Variants in TACR3 observed in about 807,000 individuals in gnomAD.
TACR3 encodes tachykinin receptor 3, also known as neuromedin-K receptor.
In TACR3, 34 loss-of-function variants were observed where a neutral mutation model predicts 35.0. The ratio of observed to expected loss-of-function variants is 0.97; its 90% CI spans 0.74 to 1.30. The LOEUF is 1.30. Ranked by LOEUF, TACR3 falls within the 50% of genes most tolerant of loss-of-function variation. TACR3 has a pLI of 0.00. For missense variants in TACR3, 558 were observed against 591.7 expected, an observed-to-expected ratio of 0.94 and a Z score of 0.59; for synonymous variants, 233 against 221.1, an observed-to-expected ratio of 1.05 and a Z score of -0.48.
chr4:103,706,671 T>C (rs1274700383), intron 1 of TACR3, among the ~76,000 whole-genome samples: 1 of 152,084 alleles, frequency 6.6e-6, no homozygotes, highest in Non-Finnish European at 1.5e-5. Flanking sequence ...GTTGGTGATA[T>C]TTAGAGGGTA....
At chr4:103,669,039 T>G (rs1725997326) in intron 1 of TACR3, among the ~76,000 whole-genome samples, 1 of 152,164 alleles carries the variant, frequency 6.6e-6, no homozygotes, top group Non-Finnish European at 1.5e-5. Context: ...TTTTTTTTAG[T>G]TCCAAGTATG....
At chr4:103,627,315 G>C (rs1165069360) in intron 3 of TACR3, among the ~76,000 whole-genome samples, 1 of 132,620 alleles carries the variant, frequency 7.5e-6, no homozygotes, top group Non-Finnish European at 1.6e-5. Context: ...AGGAGTACGA[G>C]ACCAGTCTGG....
intron 1 of TACR3, among the ~76,000 whole-genome samples, chr4:103,706,439 T>C (rs1361908420): frequency 2.0e-5 from 3 of 152,190 alleles, no homozygotes; most frequent in Non-Finnish European, 4.4e-5. Flanking sequence ...CTATAATTTG[T>C]CAAATAAATG....
At chr4:103,616,056 T>G (rs1246707542) in intron 3 of TACR3, among the ~76,000 whole-genome samples, 1 of 152,206 alleles carries the variant, frequency 6.6e-6, no homozygotes, top group African/African-American at 2.4e-5. Context: ...TGTGGAAAAT[T>G]CAATGTTATG....
At chr4:103,664,924 C>T (rs1725906165) in intron 1 of TACR3, among the ~76,000 whole-genome samples, 2 of 151,658 alleles carry the variant, frequency 1.3e-5, no homozygotes. Flanking sequence ...ATCTTTCTGC[C>T]TCAGCTCTCT....
chr4:103,711,501 A>G (rs1482772840), intron 1 of TACR3, among the ~76,000 whole-genome samples: 1 of 152,232 alleles, frequency 6.6e-6, no homozygotes, highest in Non-Finnish European at 1.5e-5. Context: ...TCTCAAAATA[A>G]TAAGAGGTAT....
chr4:103,600,438 GT>G (rs1724168237), intron 3 of TACR3, among the ~76,000 whole-genome samples: 1 of 152,094 alleles, frequency 6.6e-6, no homozygotes, highest in East Asian at 1.9e-4. Context: ...CTTTTGAAGG[GT>G]TTTTTGTGTC....
At chr4:103,706,015 C>T (rs777222786) in intron 1 of TACR3, among the ~76,000 whole-genome samples, 5 of 151,934 alleles carry the variant, frequency 3.3e-5, no homozygotes, top group East Asian at 1.9e-4. Flanking sequence ...AGCCTGGATG[C>T]GGGGAGACCA....
At chr4:103,660,545 C>T (rs1314925081) in intron 1 of TACR3, among the ~76,000 whole-genome samples, 1 of 151,822 alleles carries the variant, frequency 6.6e-6, no homozygotes, top group East Asian at 1.9e-4. Flanking sequence ...CACACACACA[C>T]ACAACAAATA....
intron 3 of TACR3, among the ~76,000 whole-genome samples, chr4:103,638,531 C>A (rs1725254022): frequency 6.6e-6 from 1 of 151,974 alleles, no homozygotes. Flanking sequence ...TAGGCATGGG[C>A]AAGGACTTCA....
intron 3 of TACR3, among the ~76,000 whole-genome samples, chr4:103,629,855 A>AC (rs1725009843): frequency 8.6e-6 from 1 of 116,726 alleles, no homozygotes; most frequent in African/African-American, 3.5e-5. Flanking sequence ...CAAAACAAAA[A>AC]AAAAACAAAA....
At chr4:103,710,490 CTG>C (rs1303193118) in intron 1 of TACR3, among the ~76,000 whole-genome samples, 1 of 151,958 alleles carries the variant, frequency 6.6e-6, no homozygotes, top group Non-Finnish European at 1.5e-5. Flanking sequence ...ACATATAAAG[CTG>C]TGTGTAGAGG....
At chr4:103,603,716 T>A (rs185273398) in intron 3 of TACR3, among the ~76,000 whole-genome samples, 75 of 152,302 alleles carry the variant, frequency 4.9e-4, no homozygotes, top group African/African-American at 1.8e-3. Context: ...TCAAATGGAA[T>A]TTCTGGTTCT....
At chr4:103,682,797 C>G (rs975049745) in intron 1 of TACR3, among the ~76,000 whole-genome samples, 13 of 152,098 alleles carry the variant, frequency 8.5e-5, no homozygotes, top group Admixed American at 6.6e-4. Context: ...GGAGGCTGGA[C>G]TGGAGAAGGA....
intron 1 of TACR3, among the ~76,000 whole-genome samples, chr4:103,712,443 C>G (rs1722990768): frequency 6.6e-6 from 1 of 152,166 alleles, no homozygotes; most frequent in Non-Finnish European, 1.5e-5. Context: ...GAAACTGGAT[C>G]CCTTCCTTAC....
chr4:103,637,138 AAG>A (rs1725212506), intron 3 of TACR3, among the ~76,000 whole-genome samples: 2 of 152,260 alleles, frequency 1.3e-5, no homozygotes, highest in South Asian at 4.1e-4. Flanking sequence ...ACAACCAAAA[AAG>A]AGAATTTTAG....
intron 1 of TACR3, among the ~76,000 whole-genome samples, chr4:103,686,029 A>G (rs992663681): frequency 6.6e-6 from 1 of 152,202 alleles, no homozygotes; most frequent in Non-Finnish European, 1.5e-5. Context: ...TGTTAAAACA[A>G]TCAGTGGTTA....
intron 3 of TACR3, among the ~76,000 whole-genome samples, chr4:103,654,135 G>A (rs1286699311): frequency 6.6e-6 from 1 of 151,374 alleles, no homozygotes; most frequent in Non-Finnish European, 1.5e-5. Flanking sequence ...GGAAGTCAGT[G>A]TGGCGATTCC....
intron 4 of TACR3, 133 bp from the exon 5 acceptor site, chr4:103,590,127 A>G: frequency 1.9e-6 from 2 of 1,028,448 alleles, no homozygotes; most frequent in East Asian, 2.6e-5. Context: ...CCAGACTCTT[A>G]GAATTTATGT....
Sources: allele counts gnomAD v4.1 joint callset (sites outside exome capture counted in the v4.1 genomes callset), GRCh38; gene constraint gnomAD v4.1.1; transcripts MANE v1.5; gene names NCBI Gene and HGNC (gene_info 2026-07-23, HGNC 2026-07-21).